Variants in ANKRD17 observed in about 807,000 individuals in gnomAD.
ANKRD17 encodes ankyrin repeat domain 17.
Under a neutral mutation model 229.7 loss-of-function variants are expected in ANKRD17, and 19 were observed. That is an observed-to-expected ratio of 0.08 (90% CI 0.06 to 0.12). The LOEUF (loss-of-function observed/expected upper bound fraction) is 0.12, where lower values mean the gene tolerates loss of function less well. Among genes scored for constraint, ANKRD17 ranks in the 10% least tolerant of loss-of-function variants. The pLI, the probability that ANKRD17 is intolerant of heterozygous loss-of-function variation, is 1.00. For synonymous variants in ANKRD17, 1,112 were observed against 1,146.1 expected, an observed-to-expected ratio of 0.97 and a Z score of 0.60; for missense variants, 2,176 against 3,176.8, an observed-to-expected ratio of 0.68 and a Z score of 7.57.
intron 1 of ANKRD17, among the ~76,000 whole-genome samples, chr4:73,188,085 T>C (rs907497146): frequency 4.6e-5 from 7 of 151,904 alleles, no homozygotes; most frequent in African/African-American, 1.7e-4. Context: ...CTCAACACAT[T>C]TCAAAATGAA....
intron 6 of ANKRD17, among the ~76,000 whole-genome samples, chr4:73,152,163 C>T (rs1485913859): frequency 6.6e-6 from 1 of 152,080 alleles, no homozygotes; most frequent in East Asian, 1.9e-4. Context: ...AAAAAGACTT[C>T]AGATCCTATG....
intron 18 of ANKRD17, 129 bp from the exon 19 acceptor site, chr4:73,121,888 C>A: frequency 1.1e-6 from 1 of 909,066 alleles, no homozygotes; most frequent in Non-Finnish European, 1.6e-6. Context: ...TCATGCTCTG[C>A]ATAAAATCAG....
At chr4:73,177,275 A>G in intron 2 of ANKRD17, 105 bp downstream of exon 2, 2 of 1,086,134 alleles carry the variant, frequency 1.8e-6, no homozygotes, top group South Asian at 6.4e-5. Context: ...TATTAATAGT[A>G]TCATTCTAAA....
intron 2 of ANKRD17, among the ~76,000 whole-genome samples, chr4:73,165,543 T>C (rs1485109393): frequency 6.6e-6 from 1 of 152,180 alleles, no homozygotes; most frequent in Non-Finnish European, 1.5e-5. Context: ...GTGTGTCTAA[T>C]AAAATGATCC....
Position 73,102,467 on chromosome 4 carries a change from T to C in ANKRD17, c.4482A>G (p.Glu1494=), listed in dbSNP as rs770717095. The change falls in exon 25 of 34, where the codon GAA becomes GAG. Residue 1494 remains glutamate, a synonymous_variant. Transcript: ENST00000358602. ...RKEKRRKKKE[E]QRRKLEEIEA... ...CAATTTCTTCTAGTTTCCTTCTTTG[T>C]TCTTCCTTTTTCTTCCTTCTCTTCT... 2 of 1,607,018 alleles carry C rather than the reference T, an allele frequency of 1.2e-6. No individual in the cohort carries two copies. Among genetic ancestry groups the C allele is most frequent in the Non-Finnish European group, 1.7e-6 (2 of 1,178,078 alleles).
In ANKRD17 at chr4:73,094,066, G is replaced by C; in HGVS notation, c.5327+13C>G. The stretch of plus-strand genomic sequence containing the variant: ...TAAAATAAAGGAAGAAAATGTAAGA[G>C]ACAAAGTTTTGCCTTATAGTGATTA... On this transcript the variant is annotated intron_variant, in intron 28 of 33. Transcript: ENST00000358602. The C allele has an allele frequency of 1.2e-6, 2 of 1,611,660 alleles. No individual in the cohort carries two copies. The highest frequency in any genetic ancestry group is 1.3e-5 in the African/African-American group (1 of 74,972).
intron 1 of ANKRD17, among the ~76,000 whole-genome samples, chr4:73,180,907 A>G (rs970554180): frequency 6.6e-6 from 1 of 152,184 alleles, no homozygotes; most frequent in Non-Finnish European, 1.5e-5. Flanking sequence ...TATTATACAT[A>G]CAGTCTTTCT....
At chr4:73,173,024 T>C (rs1734246341) in intron 2 of ANKRD17, among the ~76,000 whole-genome samples, 1 of 152,052 alleles carries the variant, frequency 6.6e-6, no homozygotes, top group Non-Finnish European at 1.5e-5. Flanking sequence ...AGAGGCTGAA[T>C]GGATAAAAAA....
At chr4:73,234,931 C>T (rs1743369697) in intron 1 of ANKRD17, among the ~76,000 whole-genome samples, 1 of 152,150 alleles carries the variant, frequency 6.6e-6, no homozygotes, top group Admixed American at 6.5e-5. Context: ...TGTTTGTTGA[C>T]TCCAAGTTTG....
At chr4:73,086,081 CAAATTTAATTCTTGATTTTAGT>C (rs1036515656) in intron 29 of ANKRD17, among the ~76,000 whole-genome samples, 2 of 152,086 alleles carry the variant, frequency 1.3e-5, no homozygotes, top group African/African-American at 4.8e-5. Flanking sequence ...TTACTGGGAA[CAAATTTAATTCTTGATTTTAGT>C]ACTTTCAGCA....
Position 73,155,821 on chromosome 4 carries a change from C to T in ANKRD17, c.853-43G>A, listed in dbSNP as rs548336821. Reference sequence around the variant, plus strand: ...GTTTAAAAAGATATTAGGAAATAATCGTCAAAAAATTTTGAACACGTATTT... The same window carrying T: ...GTTTAAAAAGATATTAGGAAATAATTGTCAAAAAATTTTGAACACGTATTT... On this transcript the variant is annotated intron_variant, in intron 4 of 33. Transcript: ENST00000358602. 7 of 1,598,032 alleles carry T rather than the reference C, an allele frequency of 4.4e-6. No individual in the cohort carries two copies. The South Asian group carries it at 5.6e-5, about 13-fold the overall frequency.
At chr4:73,243,772 T>C (rs1449847330) in intron 1 of ANKRD17, among the ~76,000 whole-genome samples, 6 of 152,224 alleles carry the variant, frequency 3.9e-5, no homozygotes, top group African/African-American at 1.4e-4. Context: ...GAGTCTTAGA[T>C]ATGGCTGCGT....
chr4:73,212,783 A>G (rs139974687), intron 1 of ANKRD17, among the ~76,000 whole-genome samples: 218 of 152,220 alleles, frequency 1.4e-3, no homozygotes, highest in Non-Finnish European at 2.7e-3. Flanking sequence ...TGGGAGGCCA[A>G]GGCACGGGGA....
intron 1 of ANKRD17, among the ~76,000 whole-genome samples, 199 bp downstream of exon 1, chr4:73,258,077 C>T (rs868443728): frequency 2.0e-5 from 3 of 151,630 alleles, no homozygotes; most frequent in South Asian, 4.2e-4. Flanking sequence ...CGTGGTCCTC[C>T]CACCCCCACG....
intron 16 of ANKRD17, among the ~76,000 whole-genome samples, chr4:73,127,832 C>T (rs1727679032): frequency 1.3e-5 from 2 of 152,032 alleles, no homozygotes; most frequent in Admixed American, 1.3e-4. Flanking sequence ...CATATTCTCC[C>T]AGAATGTAAA....
chr4:73,113,304 T>C (rs1226731367), intron 24 of ANKRD17: 4 of 1,289,202 alleles, frequency 3.1e-6, no homozygotes, highest in Admixed American at 4.6e-5. Context: ...AATGATGTTG[T>C]AGTCTGCCTG....
chr4:73,233,048 G>GTTAAACA (rs1743202042), intron 1 of ANKRD17, among the ~76,000 whole-genome samples: 1 of 152,080 alleles, frequency 6.6e-6, no homozygotes, highest in Admixed American at 6.6e-5. Flanking sequence ...CATTATAAAT[G>GTTAAACA]TGATGCATCC....
At position 73,091,677 on chromosome 4, in the gene ANKRD17, G is replaced by T. The variant is rs909600274; in HGVS notation, c.5951C>A (p.Ser1984Tyr). 1 of 1,614,210 alleles carries T rather than the reference G, an allele frequency of 6.2e-7. No individual in the cohort carries two copies. Among genetic ancestry groups the T allele is most frequent in the East Asian group, 2.2e-5 (1 of 44,884 alleles). ...AGGTGAACTTGGACTGCCATTTGTA[G>T]ATGTACCAGGCACCGTTGAAGCTGA... ...SSSASTVPGTSTNGSPSSPSV... is the reference protein window; with the variant it reads ...SSSASTVPGTYTNGSPSSPSV... The change falls in exon 29 of 34, where the codon TCT (serine) becomes TAT (tyrosine). Residue 1984 changes from serine (S) to tyrosine (Y), a missense_variant. Physicochemically the swap from Ser to Tyr is moderately radical, Grantham distance 144 (BLOSUM62 -2). Around this residue, in one of 18 missense-constraint regions of ANKRD17, gnomAD observed 424 missense variants for 454.0 expected, o/e 0.93. Coordinates refer to ENST00000358602, the MANE Select transcript of ANKRD17 (RefSeq NM_032217.5).
chr4:73,083,930 T>TAA (rs751723475), intron 30 of ANKRD17, among the ~76,000 whole-genome samples: 1 of 98,212 alleles, frequency 1.0e-5, no homozygotes, highest in Admixed American at 1.1e-4. Context: ...ATTTGATAGT[T>TAA]AAAAAAAAAA....
Sources: allele counts gnomAD v4.1 joint callset (sites outside exome capture counted in the v4.1 genomes callset), GRCh38; gene constraint gnomAD v4.1.1; regional missense constraint gnomAD v4.1.1; transcripts MANE v1.5; gene names NCBI Gene and HGNC (gene_info 2026-07-23, HGNC 2026-07-21).